Variants in HECW2 observed in about 807,000 individuals in gnomAD.
The protein encoded by HECW2 is HECT, C2 and WW domain containing E3 ubiquitin protein ligase 2.
Under a neutral mutation model 175.2 loss-of-function variants are expected in HECW2, and 61 were observed. The ratio of observed to expected loss-of-function variants is 0.35; its 90% CI spans 0.28 to 0.43. The LOEUF is 0.43. Among genes scored for constraint, HECW2 ranks in the 20% least tolerant of loss-of-function variants. HECW2 has a pLI of 1.00. For missense variants in HECW2, 1,524 were observed against 2,000.5 expected (o/e 0.76, Z 4.54); for synonymous variants, 671 against 731.0 (o/e 0.92, Z 1.32).
chr2:196,290,735 T>TCTCA (rs1173491950), intron 14 of HECW2: 1 of 152,194 alleles, frequency 6.6e-6, no homozygotes, highest in Non-Finnish European at 1.5e-5. Context: ...GGCACTGGGC[T>TCTCA]CTCAGGCTGT....
At chr2:196,568,514 G>C (rs1690259390) in intron 1 of HECW2, among the ~76,000 whole-genome samples, 1 of 152,110 alleles carries the variant, frequency 6.6e-6, no homozygotes, top group African/African-American at 2.4e-5. Flanking sequence ...GGGTTTATCA[G>C]GACATAACCC....
chr2:196,437,358 T>C (rs1695908057), intron 1 of HECW2, among the ~76,000 whole-genome samples: 1 of 151,844 alleles, frequency 6.6e-6, no homozygotes, highest in Non-Finnish European at 1.5e-5. Context: ...AGGCTTATAA[T>C]CCCAGCACTT....
intron 17 of HECW2, among the ~76,000 whole-genome samples, chr2:196,264,965 C>A (rs573197431): frequency 6.6e-6 from 1 of 152,068 alleles, no homozygotes; most frequent in Non-Finnish European, 1.5e-5. Context: ...TTTTAATATA[C>A]CTTTGGATGG....
intron 1 of HECW2, among the ~76,000 whole-genome samples, chr2:196,512,179 G>A (rs187445742): frequency 6.6e-6 from 1 of 152,338 alleles, no homozygotes; most frequent in Non-Finnish European, 1.5e-5. Context: ...GACGGGCCAC[G>A]TGAGAATGCA....
intron 1 of HECW2, among the ~76,000 whole-genome samples, chr2:196,558,244 A>G (rs1240853653): frequency 6.6e-6 from 1 of 152,220 alleles, no homozygotes; most frequent in Admixed American, 6.5e-5. Context: ...GAGCTTTCAA[A>G]CTCAGATGGG....
At chr2:196,398,468 C>T (rs890251930) in intron 2 of HECW2, among the ~76,000 whole-genome samples, 1 of 152,172 alleles carries the variant, frequency 6.6e-6, no homozygotes, top group Non-Finnish European at 1.5e-5. Context: ...TGGTGGAAAA[C>T]ATAAGCAGTA....
intron 1 of HECW2, among the ~76,000 whole-genome samples, chr2:196,481,100 C>G (rs1274365351): frequency 6.6e-6 from 1 of 152,196 alleles, no homozygotes; most frequent in Non-Finnish European, 1.5e-5. Flanking sequence ...TTTGGATTCA[C>G]AATTAAACTC....
At chr2:196,271,829 C>G (rs1006160157) in intron 16 of HECW2, among the ~76,000 whole-genome samples, 11 of 152,190 alleles carry the variant, frequency 7.2e-5, no homozygotes, top group Non-Finnish European at 1.3e-4. Flanking sequence ...TAGTTTGGAA[C>G]TAGACTGTGC....
chr2:196,275,533 T>C (rs3935225), intron 15 of HECW2, among the ~76,000 whole-genome samples: 24,725 of 152,078 alleles, frequency 0.16, 2,294 homozygotes, highest in Middle Eastern at 0.23. Context: ...GCGGGCGGAT[T>C]ACAAGGTCAA....
At chr2:196,249,225 C>T (rs899389366) in intron 19 of HECW2, among the ~76,000 whole-genome samples, 2 of 152,114 alleles carry the variant, frequency 1.3e-5, no homozygotes, top group African/African-American at 4.8e-5. Context: ...AAATAAACTT[C>T]TGGGTCCCAT....
intron 1 of HECW2, among the ~76,000 whole-genome samples, chr2:196,503,685 A>G (rs1687651239): frequency 6.6e-6 from 1 of 152,156 alleles, no homozygotes; most frequent in African/African-American, 2.4e-5. Context: ...CAGCAGAATC[A>G]GGAGGGGAGA....
chr2:196,593,493 G>A lies in HECW2; in HGVS notation c.-36+15C>T, dbSNP rs1319618041. ...TGCCCCGGTCCGCGGAGAGCGAAGA[G>A]TCCGGCCTCCTCACCTCCAGCCGCG... On this transcript the variant is annotated intron_variant, in intron 1 of 28. Transcript: ENST00000644978. 1 of 152,264 alleles carries A rather than the reference G, an allele frequency of 6.6e-6. No individual in the cohort carries two copies. The highest frequency in any genetic ancestry group is 1.9e-4 in the East Asian group (1 of 5,166). 9.4% of individuals were successfully genotyped at this position (152,264 alleles called of 1,614,324 possible).
At chr2:196,269,483 C>T (rs1458311250) in intron 17 of HECW2, 1 of 104,338 alleles carries the variant, frequency 9.6e-6, no homozygotes, top group Non-Finnish European at 1.9e-5. Context: ...GGGACTCCGT[C>T]TCCCCCTACC....
chr2:196,386,111 T>C (rs1174713726), intron 2 of HECW2, among the ~76,000 whole-genome samples: 1 of 152,240 alleles, frequency 6.6e-6, no homozygotes, highest in African/African-American at 2.4e-5. Context: ...ACTGAGTGCC[T>C]ACTTTGTGCC....
intron 17 of HECW2, among the ~76,000 whole-genome samples, chr2:196,262,857 C>A (rs1558992918): frequency 6.6e-6 from 1 of 152,156 alleles, no homozygotes; most frequent in South Asian, 2.1e-4. Flanking sequence ...TGGTGCTCAG[C>A]CCGTCCTCCT....
chr2:196,542,801 A>T (rs1689271026), intron 1 of HECW2, among the ~76,000 whole-genome samples: 1 of 150,256 alleles, frequency 6.7e-6, no homozygotes, highest in African/African-American at 2.4e-5. Context: ...ATGGATACAC[A>T]GAGAAAGACA....
chr2:196,540,062 T>G (rs1575652951), intron 1 of HECW2, among the ~76,000 whole-genome samples: 1 of 152,208 alleles, frequency 6.6e-6, no homozygotes, highest in African/African-American at 2.4e-5. Context: ...CTGAACTACT[T>G]TGACAAAAGT....
chr2:196,382,215 A>G (rs930996274), intron 2 of HECW2, among the ~76,000 whole-genome samples: 8 of 148,480 alleles, frequency 5.4e-5, no homozygotes, highest in African/African-American at 1.7e-4. Flanking sequence ...TACATATAGT[A>G]TGTGTGTGTG....
intron 2 of HECW2, among the ~76,000 whole-genome samples, chr2:196,360,556 T>C (rs1456065851): frequency 1.3e-5 from 2 of 152,004 alleles, no homozygotes; most frequent in South Asian, 2.1e-4. Flanking sequence ...GGGTGAAGGA[T>C]GGGAGGAGAG....
Sources: gnomAD v4.1 joint callset for allele counts (sites outside exome capture counted in the v4.1 genomes callset) on GRCh38, gnomAD v4.1.1 for gene constraint, MANE v1.5 for transcripts, NCBI Gene and HGNC (gene_info 2026-07-23, HGNC 2026-07-21) for gene names.